The following FBXW2 variants were observed in gnomAD, a reference collection of about 807,000 sequenced individuals.
FBXW2 encodes the protein F-box/WD repeat-containing protein 2.
In FBXW2, 12 loss-of-function variants were observed where a neutral mutation model predicts 46.0. That is an observed-to-expected ratio of 0.26 (90% CI 0.17 to 0.42). The LOEUF (loss-of-function observed/expected upper bound fraction) is 0.42, where lower values mean the gene tolerates loss of function less well. Among genes scored for constraint, FBXW2 ranks in the 10% least tolerant of loss-of-function variants. The pLI, the probability that FBXW2 is intolerant of heterozygous loss-of-function variation, is 1.00. For missense variants in FBXW2, 360 were observed against 537.0 expected, an observed-to-expected ratio of 0.67 and a Z score of 3.26; for synonymous variants, 203 against 209.6, an observed-to-expected ratio of 0.97 and a Z score of 0.27.
intron 4 of FBXW2, 44 bp downstream of exon 4, chr9:120,778,307 G>A: frequency 2.0e-6 from 3 of 1,508,766 alleles, no homozygotes; most frequent in Admixed American, 2.1e-5. Flanking sequence ...TGGCTTAAAA[G>A]GATGAGGCTA....
chr9:120,765,117 C>T (rs1420522434), intron 7 of FBXW2, among the ~76,000 whole-genome samples: 1 of 143,426 alleles, frequency 7.0e-6, no homozygotes, highest in Non-Finnish European at 1.5e-5. Flanking sequence ...TTTTTTGAGA[C>T]AGGGTCTCAC....
chr9:120,768,553 G>T (rs905205651), intron 7 of FBXW2, among the ~76,000 whole-genome samples: 1 of 152,168 alleles, frequency 6.6e-6, no homozygotes, highest in Non-Finnish European at 1.5e-5. Context: ...GAAGCCGGGT[G>T]CGGTGGCTCA....
rs1029569461 is a variant in FBXW2, at chr9:120,758,179, A to T, written c.*6380T>A. On this transcript the variant is annotated 3_prime_UTR_variant, in exon 8 of 8. Coordinates refer to ENST00000608872, the MANE Select transcript of FBXW2 (RefSeq NM_012164.4). ...AACTGCACCACTAACCTTACACAAA[A>T]ATGCTCAGTGAGGCTGGAGTGGGGT... The T allele has an allele frequency of 3.9e-5, 6 of 152,206 alleles. No individual in the cohort carries two copies. Among genetic ancestry groups the T allele is most frequent in the Non-Finnish European group, 8.8e-5 (6 of 68,038 alleles). The allele number at this position is 152,206 out of a possible 1,614,324, so 9.4% of individuals were successfully genotyped here.
chr9:120,784,570 C>T (rs1021606109), intron 3 of FBXW2, among the ~76,000 whole-genome samples: 1 of 151,498 alleles, frequency 6.6e-6, no homozygotes, highest in African/African-American at 2.4e-5. Context: ...GCCAAGATCA[C>T]ATCATTGCAC....
chr9:120,778,026 G>A (rs1414828384), intron 4 of FBXW2, among the ~76,000 whole-genome samples: 2 of 151,804 alleles, frequency 1.3e-5, no homozygotes, highest in Non-Finnish European at 2.9e-5. Context: ...TCTGATAAAA[G>A]CCAAGGGACT....
chr9:120,783,857 T>A (rs1026674957), intron 3 of FBXW2, among the ~76,000 whole-genome samples: 1 of 152,234 alleles, frequency 6.6e-6, no homozygotes, highest in African/African-American at 2.4e-5. Context: ...TCATTAGCCA[T>A]TAATCTCTTC....
chr9:120,791,971 CCCTATGTTA>C (rs2044852777), intron 2 of FBXW2, among the ~76,000 whole-genome samples: 1 of 152,136 alleles, frequency 6.6e-6, no homozygotes, highest in African/African-American at 2.4e-5. Flanking sequence ...GCCATTAACT[CCCTATGTTA>C]CCTAGGCAAC....
intron 6 of FBXW2, 131 bp from the exon 7 acceptor site, chr9:120,771,648 C>T (rs2044377244): frequency 1.4e-6 from 1 of 701,006 alleles, no homozygotes; most frequent in Non-Finnish European, 2.3e-6. Flanking sequence ...GTTTTATAGC[C>T]AAGAATCACA....
rs1045799150 is a variant in FBXW2, at chr9:120,762,593, C to A, written c.*1966G>T. ...ATTAATGATATCTGTCCTTGAAATTCACCATTAATTTCTATCAACTTCACA... is the reference window on the plus strand; with the variant it reads ...ATTAATGATATCTGTCCTTGAAATTAACCATTAATTTCTATCAACTTCACA... On this transcript the variant is annotated 3_prime_UTR_variant, in exon 8 of 8. Coordinates refer to ENST00000608872, the MANE Select transcript of FBXW2 (RefSeq NM_012164.4). 9 of 152,162 alleles carry A rather than the reference C, an allele frequency of 5.9e-5. No homozygotes were observed. Among genetic ancestry groups the A allele is most frequent in the Non-Finnish European group, 1.3e-4 (9 of 68,020 alleles). The allele number at this position is 152,162 out of a possible 1,614,324, so 9.4% of individuals were successfully genotyped here.
chr9:120,773,449 C>T (rs1006090034), intron 5 of FBXW2, among the ~76,000 whole-genome samples: 2 of 152,144 alleles, frequency 1.3e-5, no homozygotes, highest in African/African-American at 2.4e-5. Context: ...CATCTAAACT[C>T]GGTCAGTTTC....
Position 120,759,484 on chromosome 9 carries a change from C to G in FBXW2, c.*5075G>C, listed in dbSNP as rs140671356. 6.6e-6 allele frequency: 1 copy of G among 152,350 alleles called. No homozygotes were observed. Among genetic ancestry groups the G allele is most frequent in the East Asian group, 1.9e-4 (1 of 5,190 alleles). The allele number at this position is 152,350 out of a possible 1,614,324, so 9.4% of individuals were successfully genotyped here. ...AAACTTTATCTCATGCCCTCTAAAT[C>G]ACAACATACATCAAATTCGTGAAAT... is the stretch of plus-strand genomic sequence containing the variant. On this transcript the variant is annotated 3_prime_UTR_variant, in exon 8 of 8. Coordinates refer to ENST00000608872, the MANE Select transcript of FBXW2 (RefSeq NM_012164.4).
At chr9:120,785,484 G>T (rs2044700805) in intron 3 of FBXW2, among the ~76,000 whole-genome samples, 2 of 152,180 alleles carry the variant, frequency 1.3e-5, no homozygotes, top group South Asian at 4.1e-4. Context: ...ACCAAACCAT[G>T]AAATGCTTTA....
chr9:120,779,504 A>G (rs2044566490), intron 3 of FBXW2, among the ~76,000 whole-genome samples: 2 of 152,244 alleles, frequency 1.3e-5, no homozygotes, highest in Admixed American at 6.5e-5. Context: ...TGAAAGAGCT[A>G]GAGTATGAAT....
At position 120,761,310 on chromosome 9, in the gene FBXW2, C is replaced by T. The variant is rs181856458; in HGVS notation, c.*3249G>A. Reference sequence around the variant, plus strand: ...AAGTTGTTATGATGGCCTTTATGAACCTGAAAGAAGCCGCTGGCTTCCACC... The same window carrying T: ...AAGTTGTTATGATGGCCTTTATGAATCTGAAAGAAGCCGCTGGCTTCCACC... On this transcript the variant is annotated 3_prime_UTR_variant, in exon 8 of 8. Coordinates refer to ENST00000608872, the MANE Select transcript of FBXW2 (RefSeq NM_012164.4). The T allele has an allele frequency of 6.6e-6, 1 of 152,342 alleles. No individual in the cohort carries two copies. Among genetic ancestry groups the T allele is most frequent in the Non-Finnish European group, 1.5e-5 (1 of 68,040 alleles). The allele number at this position is 152,342 out of a possible 1,614,324, so 9.4% of individuals were successfully genotyped here.
chr9:120,787,906 T>C lies in FBXW2; in HGVS notation c.353A>G (p.His118Arg), dbSNP rs1432362973. ...AGCCTTCAAATAAACCTTCTTCCAG[T>C]GCAAAGCGTCCTGAACAGAATCATC... is the stretch of plus-strand genomic sequence containing the variant. ...QIDDSVQDAL[H>R]WKKVYLKAIL... The change falls in exon 3 of 8, where the codon CAC becomes CGC. Residue 118 changes from histidine (H) to arginine (R), a missense_variant. Transcript: ENST00000608872. 6.2e-7 allele frequency: 1 copy of C among 1,614,240 alleles called. No homozygotes were observed. The highest frequency in any genetic ancestry group is 1.3e-5 in the African/African-American group (1 of 75,060).
chr9:120,775,290 C>T (rs202095280), intron 5 of FBXW2, among the ~76,000 whole-genome samples: 4 of 152,314 alleles, frequency 2.6e-5, no homozygotes, highest in East Asian at 1.9e-4. Context: ...GTGATCCGCC[C>T]GCCTTGGCCT....
intron 7 of FBXW2, among the ~76,000 whole-genome samples, chr9:120,765,472 T>C (rs2044259687): frequency 6.6e-6 from 1 of 152,186 alleles, no homozygotes; most frequent in South Asian, 2.1e-4. Flanking sequence ...CTAAACAATC[T>C]ATTTTTAAGC....
chr9:120,778,919 A>G (rs146077857), intron 3 of FBXW2, among the ~76,000 whole-genome samples: 124 of 152,332 alleles, frequency 8.1e-4, no homozygotes, highest in Admixed American at 2.2e-3. Flanking sequence ...CTGCATGTTT[A>G]CACTTGCATG....
chr9:120,785,210 T>C (rs2044695900), intron 3 of FBXW2, among the ~76,000 whole-genome samples: 2 of 152,094 alleles, frequency 1.3e-5, no homozygotes, highest in Admixed American at 6.5e-5. Flanking sequence ...GATTTTGCTA[T>C]GTTGCCCAGG....
Sources: gnomAD v4.1 joint callset for allele counts (sites outside exome capture counted in the v4.1 genomes callset) on GRCh38, gnomAD v4.1.1 for gene constraint, MANE v1.5 for transcripts, NCBI Gene and HGNC (gene_info 2026-07-23, HGNC 2026-07-21) for gene names.